PLCE1: variants seen among roughly 807,000 people sequenced by gnomAD.
PLCE1 encodes phospholipase C epsilon 1.
A neutral mutation model predicts 242.8 loss-of-function variants in PLCE1; 119 were observed. The ratio of observed to expected loss-of-function variants is 0.49; its 90% CI spans 0.42 to 0.57. The LOEUF is 0.57. Among genes scored for constraint, PLCE1 ranks in the 20% least tolerant of loss-of-function variants. The pLI is 0.00. For missense variants in PLCE1, 2,441 were observed against 2,788.8 expected (o/e 0.88, Z 2.81); for synonymous variants, 945 against 1,017.4 (o/e 0.93, Z 1.35).
intron 3 of PLCE1, among the ~76,000 whole-genome samples, chr10:94,148,954 C>T (rs118153771): frequency 0.023 from 3,498 of 152,254 alleles, 40 homozygotes; most frequent in Middle Eastern, 0.048. Flanking sequence ...CATGGCTATT[C>T]CAGAACTTTC....
intron 2 of PLCE1, chr10:94,106,959 C>T (rs567041680): frequency 4.6e-5 from 1 of 21,868 alleles, no homozygotes; most frequent in African/African-American, 9.1e-5. Flanking sequence ...TCCCCTCCCC[C>T]CCCCAACACC....
intron 7 of PLCE1, among the ~76,000 whole-genome samples, chr10:94,242,816 AAAAT>A (rs60438777): frequency 0.049 from 7,499 of 152,260 alleles, 273 homozygotes; most frequent in African/African-American, 0.11. Context: ...CCACAGCAAC[AAAAT>A]AAATAAAGTA....
intron 3 of PLCE1, chr10:94,137,950 C>CATT: frequency 5.1e-6 from 2 of 394,740 alleles, no homozygotes; most frequent in Non-Finnish European, 1.0e-5. Context: ...GTGATGACTA[C>CATT]ATTAAATCCT....
At chr10:94,056,314 A>G (rs1217298107) in intron 2 of PLCE1, among the ~76,000 whole-genome samples, 3 of 152,182 alleles carry the variant, frequency 2.0e-5, no homozygotes, top group Admixed American at 2.0e-4. Context: ...AGCCCCTAGA[A>G]TTTATGATTG....
At chr10:94,208,251 C>A (rs1241390125) in intron 4 of PLCE1, among the ~76,000 whole-genome samples, 1 of 152,242 alleles carries the variant, frequency 6.6e-6, no homozygotes, top group Non-Finnish European at 1.5e-5. Context: ...CCTGTACCCT[C>A]TGCGGTGATG....
intron 4 of PLCE1, among the ~76,000 whole-genome samples, chr10:94,212,849 G>A (rs574182392): frequency 2.0e-5 from 3 of 152,312 alleles, no homozygotes; most frequent in Admixed American, 1.3e-4. Flanking sequence ...AATATTTATT[G>A]AGCATCTACT....
intron 3 of PLCE1, among the ~76,000 whole-genome samples, chr10:94,156,409 C>CA (rs1259620981): frequency 6.6e-6 from 1 of 152,176 alleles, no homozygotes; most frequent in Non-Finnish European, 1.5e-5. Context: ...GAGGTTCGAT[C>CA]ATTTGCACTA....
At chr10:94,006,609 G>GT (rs923948529) in intron 1 of PLCE1, among the ~76,000 whole-genome samples, 17 of 152,070 alleles carry the variant, frequency 1.1e-4, no homozygotes, top group African/African-American at 3.1e-4. Flanking sequence ...AACACTACTT[G>GT]TTTTTTTTAA....
chr10:94,298,635 G>GATAC lies in PLCE1; in HGVS notation c.5426_5429dup (p.Gln1810HisfsTer11). 6.2e-7 allele frequency: 1 copy of GATAC among 1,614,124 alleles called. No homozygotes were observed. Among genetic ancestry groups the GATAC allele is most frequent in the Non-Finnish European group, 8.5e-7 (1 of 1,180,018 alleles). ...ACCCCCTCATGTTCTGGCTCCATGG[G>GATAC]ATACAGCTTGTGGCACTCAACTACC... On this transcript the variant is annotated frameshift_variant, in exon 24 of 33. Coordinates refer to ENST00000371380, the MANE Select transcript of PLCE1 (RefSeq NM_016341.4). LOFTEE classifies it high-confidence loss of function. This position sits in a 1 kb window ranked among gnomAD's most constrained non-coding sequence, Gnocchi z 5.2.
chr10:94,111,183 C>T lies in PLCE1; in HGVS notation c.1207-20991C>T, dbSNP rs139164656. Among the ~76,000 whole-genome samples, 374 of 152,276 alleles carry T rather than the reference C, an allele frequency of 2.5e-3. 2 individuals are homozygous for T. Among genetic ancestry groups the T allele is most frequent in the African/African-American group, 8.1e-3 (338 of 41,540 alleles). On this transcript the variant is annotated intron_variant, in intron 2 of 32. Transcript: ENST00000371380. Reference sequence around the variant, plus strand: ...GAAATTCGTTCACTCACTCATGAGACATTTATTTTCCAGAAAGGTGTTTGG... The same window carrying T: ...GAAATTCGTTCACTCACTCATGAGATATTTATTTTCCAGAAAGGTGTTTGG...
At position 94,328,938 on chromosome 10, in the gene PLCE1, A is replaced by T. The variant is rs746858274; in HGVS notation, c.*995A>T. The T allele has an allele frequency of 2.6e-5, 4 of 152,244 alleles. No homozygotes were observed. The highest frequency in any genetic ancestry group is 5.9e-5 in the Non-Finnish European group (4 of 68,042). 9.4% of individuals were successfully genotyped at this position (152,244 alleles called of 1,614,324 possible). ...TTGCAATGTCTTAACAAGAAACCTA[A>T]CAATTTTTTAAAGCAAAAGTAGATT... On this transcript the variant is annotated 3_prime_UTR_variant, in exon 33 of 33. Transcript: ENST00000371380.
At chr10:94,073,833 A>G (rs2044428248) in intron 2 of PLCE1, among the ~76,000 whole-genome samples, 1 of 152,220 alleles carries the variant, frequency 6.6e-6, no homozygotes, top group African/African-American at 2.4e-5. Flanking sequence ...GCTGCAACCA[A>G]GGAGATGGGA....
At chr10:94,035,526 C>T (rs2061647219) in intron 2 of PLCE1, among the ~76,000 whole-genome samples, 1 of 152,154 alleles carries the variant, frequency 6.6e-6, no homozygotes. Flanking sequence ...GTTGCCACAC[C>T]TGTCAGAGTA....
intron 23 of PLCE1, among the ~76,000 whole-genome samples, chr10:94,294,529 G>A (rs1335374447): frequency 2.0e-5 from 3 of 152,072 alleles, no homozygotes; most frequent in East Asian, 1.9e-4. Context: ...TGAATATCAC[G>A]ATAAAATGAG....
At chr10:94,194,903 C>A (rs1440696437) in intron 4 of PLCE1, among the ~76,000 whole-genome samples, 1 of 152,112 alleles carries the variant, frequency 6.6e-6, no homozygotes, top group African/African-American at 2.4e-5. Context: ...CCAATACTAT[C>A]ATATTTTAAA....
chr10:94,270,149 T>A (rs533848334), intron 17 of PLCE1, among the ~76,000 whole-genome samples: 1 of 152,346 alleles, frequency 6.6e-6, no homozygotes. Flanking sequence ...GAAAGTATTT[T>A]ATGCTTAATT....
chr10:94,245,064 C>A (rs574675305), intron 7 of PLCE1, among the ~76,000 whole-genome samples: 4 of 152,034 alleles, frequency 2.6e-5, no homozygotes, highest in Non-Finnish European at 4.4e-5. Context: ...GTTAAAAAAA[C>A]CTAAAAAGGA....
intron 1 of PLCE1, among the ~76,000 whole-genome samples, chr10:94,009,951 GGCTCCACTAGGTA>G (rs1476044616): frequency 3.4e-4 from 52 of 152,226 alleles, no homozygotes; most frequent in Non-Finnish European, 6.0e-4. Context: ...ACCTTTCCAT[GGCTCCACTAGGTA>G]GCTCCACTAG....
At chr10:94,037,174 C>T (rs55979355) in intron 2 of PLCE1, among the ~76,000 whole-genome samples, 2,861 of 152,260 alleles carry the variant, frequency 0.019, 35 homozygotes, top group Middle Eastern at 0.071. Context: ...TTAAACCTAA[C>T]AGGCAATTTT....
Sources: allele counts gnomAD v4.1 joint callset (sites outside exome capture counted in the v4.1 genomes callset), GRCh38; gene constraint gnomAD v4.1.1; non-coding constraint Gnocchi (gnomAD v3.1); transcripts MANE v1.5; gene names NCBI Gene and HGNC (gene_info 2026-07-23, HGNC 2026-07-21).